The following PRCD variants were observed in gnomAD, a reference collection of about 807,000 sequenced individuals.
PRCD encodes photoreceptor disc component.
Under a neutral mutation model 10.1 loss-of-function variants are expected in PRCD, and 12 were observed. That is an observed-to-expected ratio of 1.18 (90% CI 0.76 to 1.92). The LOEUF is 1.92. Among genes scored for constraint, PRCD ranks in the 40% most tolerant of loss-of-function variants. The pLI is 0.00. For missense variants in PRCD, 61 were observed against 72.2 expected (o/e 0.84, Z 0.56); for synonymous variants, 31 against 26.2 (o/e 1.18, Z -0.56).
Position 76,531,991 on chromosome 17 carries a change from A to G in PRCD, n.45+4158A>G, listed in dbSNP as rs1014323880. ...CTTCCCAAACTCTACACCCCCTTCA[A>G]GCCCTGCTCTAGTCATAGCCGAGAG... On this transcript the variant is annotated intron_variant and non_coding_transcript_variant, in intron 1 of 4. Transcript: ENST00000397633. This position sits in a 1 kb window ranked among gnomAD's most constrained non-coding sequence, Gnocchi z 7.4. 3 of 302,154 alleles carry G rather than the reference A, an allele frequency of 9.9e-6. No homozygotes were observed. Among genetic ancestry groups the G allele is most frequent in the African/African-American group, 6.3e-5 (3 of 47,804 alleles). The allele number at this position is 302,154 out of a possible 1,614,324, so 18.7% of individuals were successfully genotyped here.
At position 76,540,065 on chromosome 17, in the gene PRCD, G is replaced by A; in HGVS notation, c.-77G>A. ...GGACAGACGGCAGTGGCTCCTGAGA[G>A]CTGGCTGGGGCCATTTTGGCCCCTC... On this transcript the variant is annotated 5_prime_UTR_variant, in exon 1 of 5. Coordinates refer to ENST00000592014, the MANE Select transcript of PRCD (RefSeq NM_001077620.3). The surrounding 1 kb of genome is among the most constrained non-coding windows in gnomAD (Gnocchi z 5.0). 6.8e-7 allele frequency: 1 copy of A among 1,470,266 alleles called. No homozygotes were observed. The highest frequency in any genetic ancestry group is 9.3e-7 in the Non-Finnish European group (1 of 1,072,304). The allele number at this position is 1,470,266 out of a possible 1,614,324, so 91.1% of individuals were successfully genotyped here.
rs530722974 is a variant in PRCD, at chr17:76,543,935, A to G, written c.*285A>G. 2 of 469,962 alleles carry G rather than the reference A, an allele frequency of 4.3e-6. No homozygotes were observed. The highest frequency in any genetic ancestry group is 1.5e-5 in the South Asian group (1 of 64,538). 29.1% of individuals were successfully genotyped at this position (469,962 alleles called of 1,614,324 possible). ...CTTGTCCTCCGAATGTGTTTTCTGT[A>G]TGTGTGCAAGCGCGTGTGTTCCAAA... On this transcript the variant is annotated 3_prime_UTR_variant, in exon 5 of 5. Coordinates refer to ENST00000592014, the MANE Select transcript of PRCD (RefSeq NM_001077620.3).
At chr17:76,542,930 C>A (rs1209225511) in intron 3 of PRCD, 99 bp from the exon 4 acceptor site, 10 of 561,064 alleles carry the variant, frequency 1.8e-5, no homozygotes, top group Non-Finnish European at 3.5e-5. Context: ...TCGGAGGACG[C>A]CCAAGGGAGA....
chr17:76,543,246 C>A (rs769464726), intron 4 of PRCD, 125 bp downstream of exon 4: 1 of 367,818 alleles, frequency 2.7e-6, no homozygotes, highest in Non-Finnish European at 5.5e-6. Context: ...TGCTCTCGGA[C>A]GGGCTTCCTT....
At chr17:76,532,512 T>C (rs1474875405) in intron 1 of PRCD, among the ~76,000 whole-genome samples, 1 of 150,218 alleles carries the variant, frequency 6.7e-6, no homozygotes, top group Non-Finnish European at 1.5e-5. Flanking sequence ...GGCCCTGCAG[T>C]GTGAAAAATG....
At chr17:76,548,383 CATTT>C (rs2075077278), downstream of PRCD, among the ~76,000 whole-genome samples, 1 of 152,210 alleles carries the variant, frequency 6.6e-6, no homozygotes. Context: ...TTCATTTGGT[CATTT>C]ATTTAACAAG....
At position 76,531,353 on chromosome 17, in the gene PRCD, T is replaced by G; in HGVS notation, n.45+3520T>G. On this transcript the variant is annotated intron_variant and non_coding_transcript_variant, in intron 1 of 4. Coordinates refer to the PRCD transcript ENST00000397633. The surrounding 1 kb of genome is among the most constrained non-coding windows in gnomAD (Gnocchi z 7.4). The stretch of plus-strand genomic sequence containing the variant: ...CACTGCCCCTCCCTCTCGCAGCCAC[T>G]CCGGGGATCACCTCTGTTGCTCCAG... 2 of 1,406,144 alleles carry G rather than the reference T, an allele frequency of 1.4e-6. No individual in the cohort carries two copies. The highest frequency in any genetic ancestry group is 1.9e-6 in the Non-Finnish European group (2 of 1,028,620). The allele number at this position is 1,406,144 out of a possible 1,614,324, so 87.1% of individuals were successfully genotyped here.
In PRCD at chr17:76,544,433, C is replaced by T. The variant is rs767521000; in HGVS notation, c.*783C>T. The T allele has an allele frequency of 4.4e-6, 2 of 454,872 alleles. No individual in the cohort carries two copies. Among genetic ancestry groups the T allele is most frequent in the South Asian group, 1.6e-5 (1 of 64,492 alleles). 28.2% of individuals were successfully genotyped at this position (454,872 alleles called of 1,614,324 possible). ...GGCGCTCAGGGTGGGGGAGGAGGTG[C>T]ACCCCGCTGGGGAGGGCCTGCTGGT... is the stretch of plus-strand genomic sequence containing the variant. On this transcript the variant is annotated 3_prime_UTR_variant, in exon 5 of 5. Coordinates refer to ENST00000592014, the MANE Select transcript of PRCD (RefSeq NM_001077620.3).
At position 76,544,356 on chromosome 17, in the gene PRCD, G is replaced by A. The variant is rs1408114099; in HGVS notation, c.*706G>A. Reference sequence around the variant, plus strand: ...TCAGCCGCCACTCTGCCTCTGAAGGGAAGGAAGGGAAAGGGTGAGGGATGC... The same window carrying A: ...TCAGCCGCCACTCTGCCTCTGAAGGAAAGGAAGGGAAAGGGTGAGGGATGC... On this transcript the variant is annotated 3_prime_UTR_variant, in exon 5 of 5. Transcript: ENST00000592014. 4.4e-6 allele frequency: 2 copies of A among 454,778 alleles called. No homozygotes were observed. The highest frequency in any genetic ancestry group is 4.7e-5 in the Admixed American group (2 of 42,582). 28.2% of individuals were successfully genotyped at this position (454,778 alleles called of 1,614,324 possible). A position where few individuals can be genotyped will look rare whatever the true frequency, so the allele number is the denominator to read the frequency against.
At chr17:76,548,208 CAT>C (rs1344445416), downstream of PRCD, among the ~76,000 whole-genome samples, 7 of 151,932 alleles carry the variant, frequency 4.6e-5, no homozygotes, top group Non-Finnish European at 7.4e-5. Flanking sequence ...CACATACAGA[CAT>C]ATACACTTAT....
Position 76,531,530 on chromosome 17 carries a change from A to G in PRCD, n.45+3697A>G, listed in dbSNP as rs1567906654. 5 of 1,614,092 alleles carry G rather than the reference A, an allele frequency of 3.1e-6. No homozygotes were observed. The highest frequency in any genetic ancestry group is 3.4e-6 in the Non-Finnish European group (4 of 1,179,936). On this transcript the variant is annotated intron_variant and non_coding_transcript_variant, in intron 1 of 4. Transcript: ENST00000397633. This position sits in a 1 kb window ranked among gnomAD's most constrained non-coding sequence, Gnocchi z 7.4. ...CCCCACAAGGGCGAGCACAGAGGAC[A>G]CCTTGTCGGGGTCATGCAGGTTCTC...
chr17:76,537,499 C>A (rs1162789890), upstream of PRCD: 1 of 1,579,554 alleles, frequency 6.3e-7, no homozygotes, highest in Admixed American at 1.8e-5. Context: ...CTCCTCGCTC[C>A]GCTCCCTGCG....
At chr17:76,529,022 C>G (rs1339668547) in intron 1 of PRCD, 1 of 991,262 alleles carries the variant, frequency 1.0e-6, no homozygotes, top group African/African-American at 1.8e-5. Context: ...TCGGTACACA[C>G]AGCGCCCCCT....
downstream of PRCD, among the ~76,000 whole-genome samples, chr17:76,548,401 G>T (rs894607369): frequency 2.0e-5 from 3 of 152,220 alleles, no homozygotes; most frequent in African/African-American, 4.8e-5. Flanking sequence ...TAACAAGCGT[G>T]TCCTGGGAAC....
chr17:76,552,145 C>T (rs1218634968), intron 1 of PRCD: 1 of 152,304 alleles, frequency 6.6e-6, no homozygotes, highest in East Asian at 1.9e-4. Flanking sequence ...TGAAACAGAA[C>T]ACCCAACTTA....
intron 2 of PRCD, among the ~76,000 whole-genome samples, chr17:76,542,063 G>A (rs182318259): frequency 2.0e-5 from 3 of 152,294 alleles, no homozygotes; most frequent in South Asian, 4.1e-4. Flanking sequence ...TTAATCTTTG[G>A]TTAATGGTTG....
At position 76,528,569 on chromosome 17, in the gene PRCD, TTA is replaced by T. The variant is rs2143062488; in HGVS notation, n.45+737_45+738del. On this transcript the variant is annotated intron_variant and non_coding_transcript_variant, in intron 1 of 4. Transcript: ENST00000397633. This position sits in a 1 kb window ranked among gnomAD's most constrained non-coding sequence, Gnocchi z 5.8. ...GGTGCTGCCAGGGAGGGGGGTGGAG[TTA>T]GGGGTCCTACGGCCCCGAAGAGGGC... The T allele has an allele frequency of 2.1e-5, 27 of 1,278,006 alleles. No individual in the cohort carries two copies. Among genetic ancestry groups the T allele is most frequent in the East Asian group, 1.2e-4 (4 of 32,688 alleles). The allele number at this position is 1,278,006 out of a possible 1,614,324, so 79.2% of individuals were successfully genotyped here. A position where few individuals can be genotyped will look rare whatever the true frequency, so the allele number is the denominator to read the frequency against.
chr17:76,549,896 C>G (rs184756567), downstream of PRCD: 1 of 151,770 alleles, frequency 6.6e-6, no homozygotes, highest in East Asian at 1.9e-4. Flanking sequence ...TGACTGGGGC[C>G]GGGGTTAGAT....
upstream of PRCD, among the ~76,000 whole-genome samples, chr17:76,539,056 G>C (rs753105258): frequency 6.6e-6 from 1 of 152,230 alleles, no homozygotes; most frequent in Non-Finnish European, 1.5e-5. Flanking sequence ...CCCTGAGGCA[G>C]TGCCTCTGAC....
Sources: gnomAD v4.1 joint callset for allele counts (sites outside exome capture counted in the v4.1 genomes callset) on GRCh38, gnomAD v4.1.1 for gene constraint, Gnocchi (gnomAD v3.1) non-coding constraint, MANE v1.5 for transcripts, NCBI Gene and HGNC (gene_info 2026-07-23, HGNC 2026-07-21) for gene names.